SHANK2: variants seen among roughly 807,000 people sequenced by gnomAD.
The protein encoded by SHANK2 is SH3 and multiple ankyrin repeat domains protein 2.
In SHANK2, 43 loss-of-function variants were observed where a neutral mutation model predicts 133.7. That is an observed-to-expected ratio of 0.32 (90% CI 0.25 to 0.41). The LOEUF is 0.41. Among genes scored for constraint, SHANK2 ranks in the 10% least tolerant of loss-of-function variants. The probability of loss-of-function intolerance (pLI) is 1.00; values close to 1 mark genes in which losing one functional copy is unlikely to be tolerated. For missense variants in SHANK2, 1,994 were observed against 2,235.8 expected (o/e 0.89, Z 2.18); for synonymous variants, 1,017 against 952.8 (o/e 1.07, Z -1.24).
chr11:70,916,084 T>C lies in SHANK2; in HGVS notation c.1108-19517A>G, dbSNP rs992832381. 2.6e-5 allele frequency among the ~76,000 whole-genome samples: 4 copies of C among 152,132 alleles called. No homozygotes were observed. The East Asian group carries it at 7.7e-4, about 29-fold the overall frequency. On this transcript the variant is annotated intron_variant, in intron 10 of 25. Transcript: ENST00000601538. ...CCTACATATTTTCTGCAGAAAAGAA[T>C]TAGAGAAGAATGAAGGGCAATTACC...
At chr11:70,622,524 C>G (rs1210532223) in intron 17 of SHANK2, among the ~76,000 whole-genome samples, 1 of 152,208 alleles carries the variant, frequency 6.6e-6, no homozygotes, top group Non-Finnish European at 1.5e-5. Context: ...AGTCCAAGAC[C>G]AAAGCTTCTG....
intron 6 of SHANK2, among the ~76,000 whole-genome samples, chr11:71,102,424 C>A (rs1043951767): frequency 3.3e-5 from 5 of 152,144 alleles, no homozygotes; most frequent in African/African-American, 4.8e-5. Flanking sequence ...CCCTCCGCTC[C>A]GGCCCCATGT....
intron 12 of SHANK2, among the ~76,000 whole-genome samples, chr11:70,820,005 T>A (rs572860258): frequency 6.6e-6 from 1 of 152,278 alleles, no homozygotes; most frequent in East Asian, 1.9e-4. Flanking sequence ...CTTGCAGCCC[T>A]GCCTCTCTCC....
intron 14 of SHANK2, among the ~76,000 whole-genome samples, chr11:70,729,839 G>T (rs1946248806): frequency 6.7e-6 from 1 of 149,464 alleles, no homozygotes; most frequent in Non-Finnish European, 1.5e-5. Context: ...GGCCTGCACT[G>T]TGTACTTTAA....
At chr11:70,712,065 A>C (rs782212206) in intron 14 of SHANK2, among the ~76,000 whole-genome samples, 6 of 152,048 alleles carry the variant, frequency 3.9e-5, no homozygotes, top group Non-Finnish European at 7.4e-5. Context: ...GCGTTTGTGG[A>C]GCTTCCTTCC....
chr11:70,545,225 G>A (rs1442815565), intron 17 of SHANK2, among the ~76,000 whole-genome samples: 3 of 152,214 alleles, frequency 2.0e-5, no homozygotes, highest in Non-Finnish European at 4.4e-5. Context: ...CTCCTAATCC[G>A]GCTGGCCGGA....
At chr11:70,850,184 G>A (rs1276244714) in intron 11 of SHANK2, among the ~76,000 whole-genome samples, 1 of 151,218 alleles carries the variant, frequency 6.6e-6, no homozygotes, top group Non-Finnish European at 1.5e-5. Context: ...ACCTCCTACG[G>A]TTCTCCTTCA....
chr11:70,747,097 G>A (rs1410976668), intron 14 of SHANK2, among the ~76,000 whole-genome samples: 2 of 143,450 alleles, frequency 1.4e-5, no homozygotes, highest in Admixed American at 6.9e-5. Flanking sequence ...TGGTCCCCAC[G>A]AGTGACTGGG....
chr11:70,570,154 T>G (rs1725487819), intron 17 of SHANK2, among the ~76,000 whole-genome samples: 1 of 152,236 alleles, frequency 6.6e-6, no homozygotes, highest in African/African-American at 2.4e-5. Flanking sequence ...AGGGAACTTC[T>G]GTGGCTTGCC....
chr11:70,490,106 T>C (rs2058864503), intron 23 of SHANK2, 170 bp downstream of exon 23: 1 of 627,118 alleles, frequency 1.6e-6, no homozygotes, highest in African/African-American at 1.8e-5. Flanking sequence ...AATGGCTCCC[T>C]AGTGGGCAAG....
Position 71,174,346 on chromosome 11 carries a change from C to T in SHANK2, c.-12-27008G>A, listed in dbSNP as rs139398383. Among the ~76,000 whole-genome samples, 154 of 152,122 alleles carry T rather than the reference C, an allele frequency of 1.0e-3. 1 individual carries two copies. The East Asian group carries it at 0.026, about 26-fold the overall frequency. On this transcript the variant is annotated intron_variant, in intron 2 of 25. Transcript: ENST00000601538. ...TTTGAGTCCAAGAGTTTGAGACCAG[C>T]CAGACAACAGGGCAACGTTGTGAGA...
chr11:70,643,916 GA>G lies in SHANK2; in HGVS notation c.2061+15911del, dbSNP rs1486712891. On this transcript the variant is annotated intron_variant, in intron 17 of 25. Transcript: ENST00000601538. ...GAAGCCGACTAAGGGACTGCAGGTGGAGGGGGGGGAGGAACACAGAGGGGCA... is the reference window on the plus strand; with the variant it reads ...GAAGCCGACTAAGGGACTGCAGGTGGGGGGGGGGAGGAACACAGAGGGGCA... 5.9e-5 allele frequency among the ~76,000 whole-genome samples: 9 copies of G among 151,830 alleles called. No homozygotes were observed. In the South Asian group the frequency reaches 8.4e-4, roughly 14 times the overall value.
intron 11 of SHANK2, among the ~76,000 whole-genome samples, chr11:70,860,089 A>C (rs528559290): frequency 1.3e-5 from 2 of 151,986 alleles, no homozygotes; most frequent in African/African-American, 2.4e-5. Context: ...CCAACATCCG[A>C]CCCTGTCCCT....
chr11:70,784,842 C>A (rs1405987343), intron 14 of SHANK2, among the ~76,000 whole-genome samples: 2 of 152,178 alleles, frequency 1.3e-5, no homozygotes, highest in African/African-American at 4.8e-5. Context: ...GCCCACGCTC[C>A]AACCGCCACT....
intron 11 of SHANK2, among the ~76,000 whole-genome samples, chr11:70,894,947 G>C (rs547134734): frequency 6.6e-6 from 1 of 152,218 alleles, no homozygotes; most frequent in East Asian, 1.9e-4. Flanking sequence ...GCAGGAAGAC[G>C]GTCTCTGGCA....
chr11:70,890,087 G>A (rs1437630513), intron 11 of SHANK2, among the ~76,000 whole-genome samples: 1 of 152,138 alleles, frequency 6.6e-6, no homozygotes, highest in Non-Finnish European at 1.5e-5. Flanking sequence ...AGATCTGGGG[G>A]GTAGAAGGGG....
chr11:70,798,846 T>A (rs983361442), intron 13 of SHANK2, among the ~76,000 whole-genome samples: 1 of 152,184 alleles, frequency 6.6e-6, no homozygotes, highest in African/African-American at 2.4e-5. Flanking sequence ...GTCATATGAA[T>A]GGATGTGCAC....
At chr11:71,202,868 C>G (rs1415682629) in intron 2 of SHANK2, among the ~76,000 whole-genome samples, 3 of 152,262 alleles carry the variant, frequency 2.0e-5, no homozygotes, top group Non-Finnish European at 4.4e-5. Context: ...GGCACTGACC[C>G]AGGGTCAAAG....
chr11:71,086,462 T>C (rs1211577600), intron 8 of SHANK2, among the ~76,000 whole-genome samples: 1 of 136,302 alleles, frequency 7.3e-6, no homozygotes, highest in Non-Finnish European at 1.5e-5. Flanking sequence ...TTATATATAA[T>C]TATGTAATAT....
Sources: allele counts gnomAD v4.1 joint callset (sites outside exome capture counted in the v4.1 genomes callset), GRCh38; gene constraint gnomAD v4.1.1; transcripts MANE v1.5; gene names NCBI Gene and HGNC (gene_info 2026-07-23, HGNC 2026-07-21).